SLX4: variants seen among roughly 807,000 people sequenced by gnomAD.
The protein encoded by SLX4 is structure-specific endonuclease subunit SLX4.
SLX4 carries 112 observed loss-of-function variants against 146.2 expected under a neutral mutation model. The ratio of observed to expected loss-of-function variants is 0.77; its 90% CI spans 0.66 to 0.90. The LOEUF is 0.90. SLX4 is among the 40% of genes least tolerant of loss of function. SLX4 has a pLI of 0.00. For synonymous variants in SLX4, 1,061 were observed against 997.7 expected (o/e 1.06, Z -1.20); for missense variants, 2,563 against 2,392.7 (o/e 1.07, Z -1.49).
chr16:3,596,478 G>A (rs937650119), intron 7 of SLX4, 85 bp from the exon 8 acceptor site: 25 of 1,445,488 alleles, frequency 1.7e-5, no homozygotes, highest in Non-Finnish European at 2.2e-5. Context: ...TGGTATGCAC[G>A]GCTGGACCTA....
rs767473953 is a variant in SLX4 at position 3,594,590 on chromosome 16, C to G, written c.2023G>C (p.Gly675Arg). ...DRGGRTLLSL[G>R]LLVADFGAMV... ...GCGCCAAAGTCAGCAACCAGCAGCC[C>G]GAGGGAGAGCTGAAGCAGGAGGAGA... Residue 675 changes from glycine (G) to arginine (R), a missense_variant, in exon 10 of 15, where the codon GGG (glycine) becomes CGG (arginine). By Grantham distance (125) the Gly-to-Arg change is moderately radical. Coordinates refer to ENST00000294008, the MANE Select transcript of SLX4 (RefSeq NM_032444.4). 6.2e-7 allele frequency: 1 copy of G among 1,614,050 alleles called. No homozygotes were observed. The highest frequency in any genetic ancestry group is 1.7e-5 in the Admixed American group (1 of 60,002).
intron 2 of SLX4, among the ~76,000 whole-genome samples, chr16:3,607,302 C>T (rs959039769): frequency 7.9e-5 from 12 of 152,126 alleles, no homozygotes; most frequent in African/African-American, 2.7e-4. Context: ...CTGCTGATGC[C>T]TTCCAGTAGT....
Position 3,583,235 on chromosome 16 carries a change from T to C in SLX4, c.5015A>G (p.His1672Arg), listed in dbSNP as rs757013389. 2.5e-6 allele frequency: 4 copies of C among 1,614,204 alleles called. No individual in the cohort carries two copies. The South Asian group carries it at 4.4e-5, about 18-fold the overall frequency. Residue 1672 changes from histidine (H) to arginine (R), a missense_variant, in exon 14 of 15, where the codon CAT becomes CGT. Transcript: ENST00000294008. ...CCTGCTTGGGGGTGTGATGCTTTCA[T>C]GATGCTTCCTTTGATGTCGGGGGCC... ...TKGPRHQRKH[H>R]ESITPPSRSP...
At position 3,591,250 on chromosome 16, in the gene SLX4, C is replaced by T. The variant is rs113965715; in HGVS notation, c.2388G>A (p.Glu796=). The T allele has an allele frequency of 1.2e-5, 20 of 1,613,274 alleles. No individual in the cohort carries two copies. In the African/African-American group the frequency reaches 1.5e-4, roughly 12 times the overall value. ...CTTCCTTCTCCTCCCATGGTTTGCC[C>T]TCTGAGTCAGTGGCAATAGGCACCT... The part of the protein sequence containing the change: ...CEQVPIATDS[E]GKPWEEKEAE... The change falls in exon 12 of 15, where the codon GAG becomes GAA. Residue 796 remains glutamate (E), a synonymous_variant. Coordinates refer to ENST00000294008, the MANE Select transcript of SLX4 (RefSeq NM_032444.4).
At position 3,598,039 on chromosome 16, in the gene SLX4, G is replaced by T. The variant is rs1021119401; in HGVS notation, c.1164-40C>A. On this transcript the variant is annotated intron_variant, in intron 5 of 14. Transcript: ENST00000294008. ...AAGAGAAAAGTTACTGGGGCTAGAG[G>T]AGTGCACGCTTCTCAGGTTGGTCAC... 8 of 1,611,602 alleles carry T rather than the reference G, an allele frequency of 5.0e-6. No homozygotes were observed. The Admixed American group carries it at 1.3e-4, about 27-fold the overall frequency.
At position 3,597,670 on chromosome 16, in the gene SLX4, G is replaced by A; in HGVS notation, c.1392C>T (p.Pro464=). 1 of 1,613,904 alleles carries A rather than the reference G, an allele frequency of 6.2e-7. No homozygotes were observed. The change falls in exon 7 of 15, where the codon CCC becomes CCT. Residue 464 remains proline (P), a synonymous_variant. Coordinates refer to ENST00000294008, the MANE Select transcript of SLX4 (RefSeq NM_032444.4). The surrounding 1 kb of genome is among the most constrained non-coding windows in gnomAD (Gnocchi z 4.4). The stretch of plus-strand genomic sequence containing the variant: ...CTAACAACAATGGGGGGGATACCGG[G>A]GGTTTCTTCTTGCGACTTTTATTCT... ...EAENKSRKKK[P]PVSPPLLLVQ...
intron 3 of SLX4, among the ~76,000 whole-genome samples, chr16:3,602,734 A>G (rs2040741629): frequency 6.6e-6 from 1 of 152,162 alleles, no homozygotes; most frequent in South Asian, 2.1e-4. Flanking sequence ...TATTCCAACA[A>G]AGCTAGATGT....
chr16:3,609,959 A>G lies in SLX4; in HGVS notation c.-602-393T>C, dbSNP rs146950216. 5.4e-4 allele frequency among the ~76,000 whole-genome samples: 83 copies of G among 152,380 alleles called. No homozygotes were observed. In the East Asian group the frequency reaches 0.014, roughly 26 times the overall value. ...AGGCTCTTTCTGTAAATACTGCAAC[A>G]TAAGAGACAGAAAGAGACATTATAT... On this transcript the variant is annotated intron_variant, in intron 1 of 14. Coordinates refer to ENST00000294008, the MANE Select transcript of SLX4 (RefSeq NM_032444.4).
chr16:3,584,995 T>C lies in SLX4; in HGVS notation c.4637-124A>G, dbSNP rs1233481345. 6.3e-6 allele frequency: 5 copies of C among 796,396 alleles called. No homozygotes were observed. In the Admixed American group the frequency reaches 7.3e-5, roughly 12 times the overall value. The allele number at this position is 796,396 out of a possible 1,614,324, so 49.3% of individuals were successfully genotyped here. A position where few individuals can be genotyped will look rare whatever the true frequency, so the allele number is the denominator to read the frequency against. On this transcript the variant is annotated intron_variant, in intron 12 of 14. Transcript: ENST00000294008. ...ATAACCCAAGCATCGTTTTGCTCCA[T>C]GAAAGCAACAGTGGTCACCCCTTCC...
chr16:3,607,324 G>A (rs1329760242), intron 2 of SLX4, among the ~76,000 whole-genome samples: 1 of 152,154 alleles, frequency 6.6e-6, no homozygotes, highest in Admixed American at 6.6e-5. Flanking sequence ...TATGCGACCT[G>A]AGACTCTACC....
Position 3,594,548 on chromosome 16 carries a change from G to A in SLX4, c.2065C>T (p.His689Tyr), listed in dbSNP as rs138124860. The A allele has an allele frequency of 7.2e-5, 116 of 1,614,028 alleles. No homozygotes were observed. Among genetic ancestry groups the A allele is most frequent in the Non-Finnish European group, 9.2e-5 (109 of 1,180,032 alleles). Residue 689 changes from histidine to tyrosine, a missense_variant, in exon 10 of 15, where the codon CAC (histidine) becomes TAC (tyrosine). Transcript: ENST00000294008. Reference protein sequence around the residue: ...ADFGAMVNNPHLSDVQFQTDS... With the variant: ...ADFGAMVNNPYLSDVQFQTDS... The stretch of plus-strand genomic sequence containing the variant: ...GTCTGAAACTGGACATCACTCAGGT[G>A]TGGGTTATTGACCATGGCGCCAAAG...
At position 3,589,997 on chromosome 16, in the gene SLX4, A is replaced by G; in HGVS notation, c.3641T>C (p.Leu1214Pro). ...SQSPPRSEAV[L>P]QQEDEGALPE... Reference sequence around the variant, plus strand: ...CAGCGCCCCCTCATCCTCCTGCTGCAGCACAGCTTCGCTTCTTGGTGGGCT... The same window carrying G: ...CAGCGCCCCCTCATCCTCCTGCTGCGGCACAGCTTCGCTTCTTGGTGGGCT... The change falls in exon 12 of 15, where the codon CTG (leucine) becomes CCG (proline). Residue 1214 changes from leucine to proline, a missense_variant. By Grantham distance (98) the Leu-to-Pro change is moderately conservative. Coordinates refer to ENST00000294008, the MANE Select transcript of SLX4 (RefSeq NM_032444.4). This position sits in a 1 kb window ranked among gnomAD's most constrained non-coding sequence, Gnocchi z 6.2. 6.2e-7 allele frequency: 1 copy of G among 1,613,846 alleles called. No individual in the cohort carries two copies. Among genetic ancestry groups the G allele is most frequent in the Non-Finnish European group, 8.5e-7 (1 of 1,179,964 alleles).
At chr16:3,598,252 AC>A (rs2151132328) in intron 5 of SLX4, among the ~76,000 whole-genome samples, 1 of 152,302 alleles carries the variant, frequency 6.6e-6, no homozygotes, top group East Asian at 1.9e-4. Context: ...TGGCAGATGT[AC>A]GGAGCCATCT....
chr16:3,598,909 C>T (rs192581911), intron 5 of SLX4, among the ~76,000 whole-genome samples: 1 of 152,214 alleles, frequency 6.6e-6, no homozygotes, highest in Admixed American at 6.5e-5. Context: ...GAATATGAGG[C>T]ACTCTGGCCG....
At chr16:3,594,361 G>A in intron 10 of SLX4, 92 bp downstream of exon 10, 2 of 1,524,300 alleles carry the variant, frequency 1.3e-6, no homozygotes, top group South Asian at 1.2e-5. Flanking sequence ...GGTGGAAAGG[G>A]CACCTGAGAC....
In SLX4 at chr16:3,597,522, C is replaced by T. The variant is rs1460362157; in HGVS notation, c.1540G>A (p.Glu514Lys). The T allele has an allele frequency of 3.1e-6, 5 of 1,614,152 alleles. No homozygotes were observed. In the East Asian group the frequency reaches 8.9e-5, roughly 29 times the overall value. Reference sequence around the variant, plus strand: ...GGAGGAGGACACTGGCCCGCTCTTTCCCACCCTTCCTTTAAAATCCTGCTG... The same window carrying T: ...GGAGGAGGACACTGGCCCGCTCTTTTCCACCCTTCCTTTAAAATCCTGCTG... ...PASRILKEGW[E>K]RAGQCPPPPE... Residue 514 changes from glutamate (E) to lysine (K), a missense_variant, in exon 7 of 15, where the codon GAA becomes AAA. Transcript: ENST00000294008. The surrounding 1 kb of genome is among the most constrained non-coding windows in gnomAD (Gnocchi z 4.4).
At chr16:3,596,034 C>T in intron 8 of SLX4, 119 bp downstream of exon 8, 1 of 1,414,440 alleles carries the variant, frequency 7.1e-7, no homozygotes, top group South Asian at 1.4e-5. Context: ...TGCGTGTTCT[C>T]CCACCAGGTC....
chr16:3,588,995 T>C lies in SLX4; in HGVS notation c.4636+7A>G, dbSNP rs748380539. The C allele has an allele frequency of 1.2e-6, 2 of 1,613,988 alleles. No homozygotes were observed. Among genetic ancestry groups the C allele is most frequent in the Non-Finnish European group, 1.7e-6 (2 of 1,180,018 alleles). On this transcript the variant is annotated splice_region_variant and intron_variant, in intron 12 of 14. Transcript: ENST00000294008. ...AGTCCCCTTCCCCAGCTCTCCTGGCTACTCACTGGGTGTCTCTAACCCTTC... is the reference window on the plus strand; with the variant it reads ...AGTCCCCTTCCCCAGCTCTCCTGGCCACTCACTGGGTGTCTCTAACCCTTC...
Position 3,583,047 on chromosome 16 carries a change from G to A in SLX4, c.5153+50C>T, listed in dbSNP as rs377607188. 234 of 1,608,862 alleles carry A rather than the reference G, an allele frequency of 1.5e-4. No individual in the cohort carries two copies. The African/African-American group carries it at 2.7e-3, about 19-fold the overall frequency. On this transcript the variant is annotated intron_variant, in intron 14 of 14. Coordinates refer to ENST00000294008, the MANE Select transcript of SLX4 (RefSeq NM_032444.4). ...CACTCGTGCCAACCCTCACGCCCAC[G>A]GGCCAGAGGATACATGAGGCCACTG... is the stretch of plus-strand genomic sequence containing the variant.
Sources: gnomAD v4.1 joint callset for allele counts (sites outside exome capture counted in the v4.1 genomes callset) on GRCh38, gnomAD v4.1.1 for gene constraint, Gnocchi (gnomAD v3.1) non-coding constraint, MANE v1.5 for transcripts, NCBI Gene and HGNC (gene_info 2026-07-23, HGNC 2026-07-21) for gene names.